The following PRSS23 variants were observed in gnomAD, a reference collection of about 807,000 sequenced individuals.
PRSS23 encodes the protein serine protease 23, also known as protease, serine 23.
PRSS23 carries 25 observed loss-of-function variants against 34.7 expected under a neutral mutation model. The ratio of observed to expected loss-of-function variants is 0.72; its 90% CI spans 0.53 to 1.01. The LOEUF is 1.01. Among genes scored for constraint, PRSS23 ranks in the 50% least tolerant of loss-of-function variants. PRSS23 has a pLI of 0.00. For synonymous variants in PRSS23, 176 were observed against 186.6 expected (o/e 0.94, Z 0.46); for missense variants, 445 against 475.6 (o/e 0.94, Z 0.60).
intron 2 of PRSS23, among the ~76,000 whole-genome samples, chr11:86,889,178 G>C (rs1948824918): frequency 6.6e-6 from 1 of 152,180 alleles, no homozygotes; most frequent in African/African-American, 2.4e-5. Context: ...TGTAGAGCAG[G>C]CACTGCCAGA....
intron 2 of PRSS23, among the ~76,000 whole-genome samples, chr11:86,864,396 T>C (rs1361258740): frequency 6.6e-6 from 1 of 152,184 alleles, no homozygotes; most frequent in African/African-American, 2.4e-5. Context: ...GCGGTTCATG[T>C]GTAGCAGAGG....
chr11:86,830,331 T>A (rs1322248229), intron 2 of PRSS23, among the ~76,000 whole-genome samples: 1 of 152,216 alleles, frequency 6.6e-6, no homozygotes, highest in Non-Finnish European at 1.5e-5. Context: ...CATCGTTTTT[T>A]AAGCCTGTCG....
intron 2 of PRSS23, chr11:86,951,175 C>T (rs566786953): frequency 1.2e-6 from 2 of 1,614,084 alleles, no homozygotes; most frequent in East Asian, 4.5e-5. Flanking sequence ...TTCCAGGCTT[C>T]ACCCAACCAT....
At chr11:86,890,558 C>T (rs1205706175) in intron 2 of PRSS23, among the ~76,000 whole-genome samples, 13 of 152,146 alleles carry the variant, frequency 8.5e-5, no homozygotes, top group Admixed American at 8.5e-4. Flanking sequence ...CTAGGGAATT[C>T]GGGAGTGGCC....
At chr11:86,869,866 C>T (rs921969209) in intron 2 of PRSS23, among the ~76,000 whole-genome samples, 7 of 152,154 alleles carry the variant, frequency 4.6e-5, no homozygotes, top group African/African-American at 1.7e-4. Context: ...TCTTTCAGAG[C>T]CCAACACAGG....
intron 2 of PRSS23, among the ~76,000 whole-genome samples, chr11:86,871,871 A>T (rs529495392): frequency 6.6e-6 from 1 of 152,252 alleles, no homozygotes; most frequent in South Asian, 2.1e-4. Flanking sequence ...ACATGTACAC[A>T]GGCCAGATAG....
At position 86,921,893 on chromosome 11, in the gene PRSS23, C is replaced by T. The variant is rs1467962598; in HGVS notation, c.207-29323C>T. On this transcript the variant is annotated intron_variant, in intron 2 of 2. Transcript: ENST00000533902. ...GACCTGTGGAAAAGGGAACACCACT[C>T]CTGGCAAAGGGAAGCAACAGGCAGC... is the stretch of plus-strand genomic sequence containing the variant. 2.0e-5 allele frequency: 3 copies of T among 152,178 alleles called. No homozygotes were observed. The East Asian group carries it at 5.8e-4, about 29-fold the overall frequency. The allele number at this position is 152,178 out of a possible 1,614,324, so 9.4% of individuals were successfully genotyped here. A position where few individuals can be genotyped will look rare whatever the true frequency, so the allele number is the denominator to read the frequency against.
At chr11:86,828,425 TG>T (rs1384614935) in intron 2 of PRSS23, among the ~76,000 whole-genome samples, 1 of 152,192 alleles carries the variant, frequency 6.6e-6, no homozygotes, top group African/African-American at 2.4e-5. Flanking sequence ...TACAGCACAC[TG>T]GTGGGTCTTG....
chr11:86,904,172 A>G (rs1040549708), intron 2 of PRSS23, among the ~76,000 whole-genome samples: 2 of 152,172 alleles, frequency 1.3e-5, no homozygotes, highest in Admixed American at 1.3e-4. Flanking sequence ...CTCACTTAGC[A>G]CTGGCCACTG....
Position 86,800,620 on chromosome 11 carries a change from G to C in PRSS23, c.-45G>C, listed in dbSNP as rs905954087. 4 of 985,038 alleles carry C rather than the reference G, an allele frequency of 4.1e-6. No individual in the cohort carries two copies. The highest frequency in any genetic ancestry group is 3.5e-5 in the African/African-American group (2 of 57,192). 61.0% of individuals were successfully genotyped at this position (985,038 alleles called of 1,614,324 possible). On this transcript the variant is annotated 5_prime_UTR_variant, in exon 1 of 2. Transcript: ENST00000280258. ...CCCACACCTGTCTGAGCGGCGCAGCGAGCCGCGGCCCGGGCGGGCTGCTCG... is the reference window on the plus strand; with the variant it reads ...CCCACACCTGTCTGAGCGGCGCAGCCAGCCGCGGCCCGGGCGGGCTGCTCG...
chr11:86,833,394 T>C, intron 2 of PRSS23: 1 of 657,684 alleles, frequency 1.5e-6, no homozygotes, highest in East Asian at 3.3e-5. Context: ...CCAGCTGCAG[T>C]TTTGGATCCT....
chr11:86,952,112 G>C (rs1311953287), exon 3 of PRSS23: 1 of 1,613,872 alleles, frequency 6.2e-7, no homozygotes, highest in Non-Finnish European at 8.5e-7. Flanking sequence ...GAACTCCTTG[G>C]CTGAGCGGCT....
intron 2 of PRSS23, among the ~76,000 whole-genome samples, chr11:86,869,365 A>G (rs184142606): frequency 3.5e-4 from 54 of 152,304 alleles, no homozygotes; most frequent in African/African-American, 1.3e-3. Context: ...CCACATCTAC[A>G]TTCCTTTATC....
intron 2 of PRSS23, among the ~76,000 whole-genome samples, chr11:86,902,241 C>T (rs915272583): frequency 6.6e-6 from 1 of 152,190 alleles, no homozygotes; most frequent in African/African-American, 2.4e-5. Context: ...TTCTCTACAA[C>T]CCCTCCCCTA....
intron 2 of PRSS23, among the ~76,000 whole-genome samples, chr11:86,906,426 C>G (rs1010510883): frequency 6.6e-6 from 1 of 152,254 alleles, no homozygotes; most frequent in Non-Finnish European, 1.5e-5. Flanking sequence ...CCCAGCTGCC[C>G]GCCCCTGCGC....
In PRSS23 at chr11:86,802,738, C is replaced by G. The variant is rs997351427; in HGVS notation, c.-14+2087C>G. Among the ~76,000 whole-genome samples the G allele has an allele frequency of 3.3e-5, 5 of 152,204 alleles. No homozygotes were observed. In the East Asian group the frequency reaches 9.6e-4, roughly 29 times the overall value. ...TGTTTGCTATAGGAGTTAAATCATT[C>G]TCTCAAACAGTGGCCCTCTTGAGGA... On this transcript the variant is annotated intron_variant, in intron 1 of 1. Coordinates refer to ENST00000280258, the MANE Select transcript of PRSS23 (RefSeq NM_007173.6).
chr11:86,914,887 C>T (rs1949002007), intron 2 of PRSS23, among the ~76,000 whole-genome samples: 1 of 152,172 alleles, frequency 6.6e-6, no homozygotes, highest in South Asian at 2.1e-4. Flanking sequence ...GAGAGCATCT[C>T]AGATTTTGAA....
chr11:86,849,035 C>T (rs1207418080), intron 2 of PRSS23, among the ~76,000 whole-genome samples: 1 of 152,224 alleles, frequency 6.6e-6, no homozygotes, highest in Admixed American at 6.5e-5. Flanking sequence ...GGGCCAGAAG[C>T]ACCCAACCAG....
At chr11:86,846,022 C>T (rs2134911181) in intron 2 of PRSS23, among the ~76,000 whole-genome samples, 1 of 152,270 alleles carries the variant, frequency 6.6e-6, no homozygotes, top group South Asian at 2.1e-4. Flanking sequence ...TAACATCTTC[C>T]CACCACACAT....
Sources: allele counts gnomAD v4.1 joint callset (sites outside exome capture counted in the v4.1 genomes callset), GRCh38; gene constraint gnomAD v4.1.1; transcripts MANE v1.5; gene names NCBI Gene and HGNC (gene_info 2026-07-23, HGNC 2026-07-21).